The following PLGLB1 variants were observed in gnomAD, a reference collection of about 807,000 sequenced individuals.
The protein encoded by PLGLB1 is plasminogen-like protein B.
intron 1 of PLGLB1, among the ~76,000 whole-genome samples, chr2:87,020,959 A>G (rs969821967): frequency 5.9e-5 from 9 of 152,026 alleles, no homozygotes; most frequent in Non-Finnish European, 1.3e-4. Flanking sequence ...GAATTTGGTC[A>G]CTGAGCAAAT....
At chr2:87,019,536 G>C (rs1441389054) in intron 1 of PLGLB1, among the ~76,000 whole-genome samples, 2 of 114,270 alleles carry the variant, frequency 1.8e-5, no homozygotes, top group East Asian at 5.5e-4. Flanking sequence ...TCCAAGAAGA[G>C]TTGTGTTTTG....
intron 3 of PLGLB1, among the ~76,000 whole-genome samples, chr2:87,014,929 G>C (rs1363914916): frequency 6.7e-6 from 1 of 148,200 alleles, no homozygotes; most frequent in Non-Finnish European, 1.5e-5. Flanking sequence ...AACACTGACT[G>C]TTCCTGGCAA....
At chr2:87,021,306 G>T (rs569010023) in intron 1 of PLGLB1, among the ~76,000 whole-genome samples, 1 of 44,268 alleles carries the variant, frequency 2.3e-5, no homozygotes, top group African/African-American at 8.3e-5. Flanking sequence ...ACCATGAACT[G>T]GTGAGAGAAC....
chr2:87,018,391 G>C (rs1682363469), intron 1 of PLGLB1: 1 of 69,748 alleles, frequency 1.4e-5, no homozygotes, highest in South Asian at 5.6e-4. Context: ...CACTTGAACT[G>C]GTGGGAAGCA....
rs1360449572 is a variant in PLGLB1 at position 87,019,753 on chromosome 2, C to T, written c.49+1982G>A. ...CATGTTATTATACTTCATAGCACATCGCTGCTGAGATCCCCTCCCCAGCTC... is the reference window on the plus strand; with the variant it reads ...CATGTTATTATACTTCATAGCACATTGCTGCTGAGATCCCCTCCCCAGCTC... On this transcript the variant is annotated intron_variant, in intron 1 of 3. Transcript: ENST00000355705. 2.0e-5 allele frequency among the ~76,000 whole-genome samples: 2 copies of T among 101,108 alleles called. 1 individual carries two copies. Among genetic ancestry groups the T allele is most frequent in the East Asian group, 7.3e-4 (2 of 2,722 alleles). 66.3% of individuals were successfully genotyped at this position (101,108 alleles called of 152,430 possible). A position where few individuals can be genotyped will look rare whatever the true frequency, so the allele number is the denominator to read the frequency against.
chr2:87,013,439 G>C (rs1390461147), intron 3 of PLGLB1: 2 of 151,888 alleles, frequency 1.3e-5, no homozygotes, highest in Non-Finnish European at 2.5e-5. Context: ...GGGGGTTACA[G>C]GAAATATTCA....
intron 1 of PLGLB1, among the ~76,000 whole-genome samples, chr2:87,019,071 G>A (rs377440834): frequency 1.0e-4 from 11 of 109,768 alleles, no homozygotes; most frequent in Admixed American, 1.7e-4. Context: ...AGGCGGCAGC[G>A]GGAGACAAGC....
chr2:87,013,436 A>C (rs546754393), intron 3 of PLGLB1: 1 of 152,990 alleles, frequency 6.5e-6, no homozygotes. Flanking sequence ...CAGGGGGGTT[A>C]CAGGAAATAT....
At chr2:87,021,068 G>A (rs1467161885) in intron 1 of PLGLB1, among the ~76,000 whole-genome samples, 2 of 148,386 alleles carry the variant, frequency 1.3e-5, no homozygotes, top group East Asian at 2.0e-4. Flanking sequence ...TATTTGTAAA[G>A]GACACACACT....
At chr2:87,015,315 A>AT in intron 3 of PLGLB1, among the ~76,000 whole-genome samples, 1 of 46,966 alleles carries the variant, frequency 2.1e-5, no homozygotes, top group South Asian at 7.1e-4. Context: ...TTCGAGATAA[A>AT]TAGTGGTAAG....
intron 3 of PLGLB1, chr2:87,013,475 TTGA>T (rs1182870985): frequency 6.3e-6 from 1 of 158,776 alleles, no homozygotes; most frequent in Non-Finnish European, 1.2e-5. Flanking sequence ...ATGAGATCAC[TTGA>T]TGATACATGG....
chr2:87,021,328 A>T (rs529735224), intron 1 of PLGLB1, among the ~76,000 whole-genome samples: 27 of 29,016 alleles, frequency 9.3e-4, no homozygotes, highest in Non-Finnish European at 1.2e-3. Flanking sequence ...GAATATATTC[A>T]AAGAGAAATT....
At chr2:87,013,366 C>T (rs1389598757) in intron 3 of PLGLB1, 8 of 123,660 alleles carry the variant, frequency 6.5e-5, no homozygotes, top group South Asian at 3.0e-4. Flanking sequence ...TGGGGACACA[C>T]GGGGCACAGT....
intron 1 of PLGLB1, among the ~76,000 whole-genome samples, chr2:87,020,887 A>G (rs1682406290): frequency 6.7e-6 from 1 of 149,620 alleles, no homozygotes; most frequent in African/African-American, 2.5e-5. Flanking sequence ...AAGTGAGAAG[A>G]GCCCTAGATT....
chr2:87,011,709 T>TAAAAC lies in PLGLB1; in HGVS notation c.*1407_*1411dup, dbSNP rs771055052. ...CAGATGAGAAGACTGAGTGGCAACGTAAAACAAAACAAAACAAAACTTGCC... is the reference window on the plus strand; with the variant it reads ...CAGATGAGAAGACTGAGTGGCAACGTAAAACAAAACAAAACAAAACAAAACTTGCC... On this transcript the variant is annotated 3_prime_UTR_variant, in exon 4 of 4. Transcript: ENST00000355705. 5.4e-3 allele frequency among the ~76,000 whole-genome samples: 581 copies of TAAAAC among 106,874 alleles called. 119 individuals carry two copies. Among genetic ancestry groups the TAAAAC allele is most frequent in the Non-Finnish European group, 8.5e-3 (418 of 49,322 alleles). The allele number at this position is 106,874 out of a possible 152,430, so 70.1% of individuals were successfully genotyped here. A position where few individuals can be genotyped will look rare whatever the true frequency, so the allele number is the denominator to read the frequency against.
In PLGLB1 at chr2:87,020,892, T is replaced by TAG. The variant is rs1455753094; in HGVS notation, c.49+841_49+842dup. ...CAAAGCTGAAAAGTGAGAAGAGCCCTAGATTCCTTCTGGGAAACCTGGCTT... is the reference window on the plus strand; with the variant it reads ...CAAAGCTGAAAAGTGAGAAGAGCCCTAGAGATTCCTTCTGGGAAACCTGGCTT... On this transcript the variant is annotated intron_variant, in intron 1 of 3. Transcript: ENST00000355705. Among the ~76,000 whole-genome samples the TAG allele has an allele frequency of 1.2e-4, 18 of 150,168 alleles. 1 individual carries two copies. The East Asian group carries it at 3.3e-3, about 28-fold the overall frequency.
At chr2:87,013,769 A>G (rs925104218) in intron 3 of PLGLB1, 1 of 10,654 alleles carries the variant, frequency 9.4e-5, no homozygotes, top group African/African-American at 5.1e-4. Flanking sequence ...CTGGGTCCAC[A>G]TGCAGCTGGC....
At position 87,013,428 on chromosome 2, in the gene PLGLB1, G is replaced by T. The variant is rs890759883; in HGVS notation, c.*2-309C>A. The T allele has an allele frequency of 3.6e-5, 5 of 140,060 alleles. 2 individuals carry two copies. The highest frequency in any genetic ancestry group is 2.6e-4 in the African/African-American group (5 of 19,372). 8.7% of individuals were successfully genotyped at this position (140,060 alleles called of 1,614,324 possible). On this transcript the variant is annotated intron_variant, in intron 3 of 3. Transcript: ENST00000355705. ...GCTCACATTCTAGTGGAATCAGACAGGGGGGTTACAGGAAATATTCAAGTA... is the reference window on the plus strand; with the variant it reads ...GCTCACATTCTAGTGGAATCAGACATGGGGGTTACAGGAAATATTCAAGTA...
intron 1 of PLGLB1, among the ~76,000 whole-genome samples, chr2:87,021,040 G>A (rs1420952436): frequency 5.7e-4 from 86 of 150,436 alleles, no homozygotes; most frequent in African/African-American, 1.7e-3. Flanking sequence ...TACCTATACC[G>A]CGAGCTAAAT....
Sources: gnomAD v4.1 joint callset for allele counts (sites outside exome capture counted in the v4.1 genomes callset) on GRCh38, gnomAD v4.1.1 for gene constraint, MANE v1.5 for transcripts, NCBI Gene and HGNC (gene_info 2026-07-23, HGNC 2026-07-21) for gene names.